MRPL48: variants seen among roughly 807,000 people sequenced by gnomAD.
MRPL48 encodes mitochondrial ribosomal protein L48.
Under a neutral mutation model 32.9 loss-of-function variants are expected in MRPL48, and 16 were observed. The ratio of observed to expected loss-of-function variants is 0.49; its 90% CI spans 0.33 to 0.74. The LOEUF is 0.74. Among genes scored for constraint, MRPL48 ranks in the 30% least tolerant of loss-of-function variants. The pLI is 0.02. For missense variants in MRPL48, 206 were observed against 245.3 expected, an observed-to-expected ratio of 0.84 and a Z score of 1.07; for synonymous variants, 94 against 89.2, an observed-to-expected ratio of 1.05 and a Z score of -0.31.
intron 5 of MRPL48, chr11:73,850,817 C>T (rs1948375311): frequency 4.4e-6 from 1 of 229,272 alleles, no homozygotes; most frequent in Non-Finnish European, 8.7e-6. Flanking sequence ...GCTGGGACTA[C>T]AGGCACCTGC....
At chr11:73,820,349 T>G (rs1947754786) in intron 3 of MRPL48, among the ~76,000 whole-genome samples, 1 of 152,142 alleles carries the variant, frequency 6.6e-6, no homozygotes, top group Admixed American at 6.6e-5. Flanking sequence ...CTCAGCTTCC[T>G]GAGTAGCAGG....
chr11:73,863,241 G>A lies in MRPL48; in HGVS notation c.544G>A (p.Val182Ile), dbSNP rs202224445. Reference sequence around the variant, plus strand: ...AATCCAAAGCAGTCTTCCTGAAGGAGTCAGACTGTCAGTGAAGGAGGTAGG... The same window carrying A: ...AATCCAAAGCAGTCTTCCTGAAGGAATCAGACTGTCAGTGAAGGAGGTAGG... ...EIIQSSLPEGVRLSVKEHTEE... is the reference protein window; with the variant it reads ...EIIQSSLPEGIRLSVKEHTEE... The change falls in exon 7 of 8, where the codon GTC becomes ATC. Residue 182 changes from valine (V) to isoleucine (I), a missense_variant. By Grantham distance (29) the Val-to-Ile change is conservative. Transcript: ENST00000310614. The A allele has an allele frequency of 8.7e-4, 1,358 of 1,567,098 alleles. 1 individual carries two copies. The highest frequency in any genetic ancestry group is 1.1e-3 in the Non-Finnish European group (1,266 of 1,155,484).
At chr11:73,829,456 C>T (rs541261761) in intron 4 of MRPL48, among the ~76,000 whole-genome samples, 61 of 150,736 alleles carry the variant, frequency 4.0e-4, no homozygotes, top group African/African-American at 1.5e-3. Flanking sequence ...CCCTTGAATA[C>T]CTAGGTTCAA....
chr11:73,843,955 T>C (rs1245858849), intron 4 of MRPL48, among the ~76,000 whole-genome samples: 6 of 152,036 alleles, frequency 3.9e-5, no homozygotes, highest in African/African-American at 1.4e-4. Flanking sequence ...AGCAGGCACC[T>C]GTAATCCCAG....
chr11:73,789,778 C>T (rs1383562263), intron 1 of MRPL48, among the ~76,000 whole-genome samples: 4 of 152,170 alleles, frequency 2.6e-5, no homozygotes, highest in Non-Finnish European at 5.9e-5. Flanking sequence ...ATTTGATCTT[C>T]ACAATATCAC....
At chr11:73,828,199 C>G (rs1590969772) in intron 4 of MRPL48, among the ~76,000 whole-genome samples, 1 of 150,768 alleles carries the variant, frequency 6.6e-6, no homozygotes, top group South Asian at 2.1e-4. Flanking sequence ...GATGCCTTGC[C>G]TATTCAAGAG....
intron 1 of MRPL48, among the ~76,000 whole-genome samples, chr11:73,801,450 T>G (rs1947362298): frequency 6.6e-6 from 1 of 152,266 alleles, no homozygotes; most frequent in East Asian, 1.9e-4. Context: ...TTAGGTTAAG[T>G]GTATTGCACA....
At chr11:73,836,472 T>C (rs1024678909) in intron 4 of MRPL48, among the ~76,000 whole-genome samples, 1 of 152,316 alleles carries the variant, frequency 6.6e-6, no homozygotes, top group Middle Eastern at 3.4e-3. Context: ...GTGCCAGGAT[T>C]ACAGGCATGA....
At chr11:73,835,140 CTTTTTTT>C (rs35448499) in intron 4 of MRPL48, among the ~76,000 whole-genome samples, 5 of 108,494 alleles carry the variant, frequency 4.6e-5, no homozygotes, top group African/African-American at 1.1e-4. Context: ...GCCATGTTGT[CTTTTTTT>C]TTTTTTTTTT....
chr11:73,799,811 G>C (rs1287326732), intron 1 of MRPL48, among the ~76,000 whole-genome samples: 1 of 152,182 alleles, frequency 6.6e-6, no homozygotes, highest in Admixed American at 6.6e-5. Context: ...ATGCCTCACA[G>C]AATGGTTGTG....
rs917930449 is a variant in MRPL48, at chr11:73,813,003, G to A, written c.112+4653G>A. On this transcript the variant is annotated intron_variant, in intron 3 of 7. Coordinates refer to ENST00000310614, the MANE Select transcript of MRPL48 (RefSeq NM_016055.6). ...TGACCTCAGGTGATCCACCCACCTCGGTCTCCCATAGTGCTAAGATTACAG... is the reference window on the plus strand; with the variant it reads ...TGACCTCAGGTGATCCACCCACCTCAGTCTCCCATAGTGCTAAGATTACAG... 4.0e-5 allele frequency among the ~76,000 whole-genome samples: 6 copies of A among 151,346 alleles called. No individual in the cohort carries two copies. In the South Asian group the frequency reaches 1.3e-3, roughly 32 times the overall value.
intron 4 of MRPL48, among the ~76,000 whole-genome samples, chr11:73,834,068 C>T (rs1209653674): frequency 1.3e-5 from 2 of 152,008 alleles, no homozygotes; most frequent in Non-Finnish European, 2.9e-5. Context: ...AGGCTGGTCT[C>T]GAACTCCTGG....
intron 3 of MRPL48, among the ~76,000 whole-genome samples, chr11:73,809,479 G>C (rs938513537): frequency 6.6e-6 from 1 of 150,722 alleles, no homozygotes; most frequent in African/African-American, 2.4e-5. Context: ...ACTCCAGCCT[G>C]GGCGACAGAG....
chr11:73,864,678 C>T lies in MRPL48; in HGVS notation c.*308C>T. 5.8e-6 allele frequency: 2 copies of T among 344,802 alleles called. No individual in the cohort carries two copies. Among genetic ancestry groups the T allele is most frequent in the Non-Finnish European group, 5.4e-6 (1 of 184,858 alleles). The allele number at this position is 344,802 out of a possible 1,614,324, so 21.4% of individuals were successfully genotyped here. On this transcript the variant is annotated 3_prime_UTR_variant, in exon 8 of 8. Transcript: ENST00000310614. ...TCTTTAAGAGATTCTATATTCTGGC[C>T]AGGCACCGTGGTGCATCCCTGTAAT...
At chr11:73,860,792 T>C (rs1948573375) in intron 6 of MRPL48, among the ~76,000 whole-genome samples, 3 of 152,214 alleles carry the variant, frequency 2.0e-5, no homozygotes, top group South Asian at 2.1e-4. Flanking sequence ...CAAAGAGTTA[T>C]GCAACCATCC....
Position 73,844,773 on chromosome 11 carries a change from C to T in MRPL48, c.202-34C>T. 1.9e-6 allele frequency: 3 copies of T among 1,586,702 alleles called. No homozygotes were observed. The South Asian group carries it at 3.5e-5, about 18-fold the overall frequency. On this transcript the variant is annotated intron_variant, in intron 4 of 7. Coordinates refer to ENST00000310614, the MANE Select transcript of MRPL48 (RefSeq NM_016055.6). ...TATTATTAGAATTTCTTGTATAATACTTTATTTTCTTTCTCTCTTTGTTTT... is the reference window on the plus strand; with the variant it reads ...TATTATTAGAATTTCTTGTATAATATTTTATTTTCTTTCTCTCTTTGTTTT...
chr11:73,861,532 G>A (rs1948584248), intron 6 of MRPL48, among the ~76,000 whole-genome samples: 2 of 152,084 alleles, frequency 1.3e-5, no homozygotes, highest in African/African-American at 2.4e-5. Context: ...ACCATGCCCA[G>A]CTAATTTTGT....
intron 3 of MRPL48, among the ~76,000 whole-genome samples, chr11:73,816,581 C>T (rs181213430): frequency 2.0e-5 from 3 of 152,186 alleles, no homozygotes; most frequent in East Asian, 1.9e-4. Context: ...TCTCCCGCCT[C>T]AGCCTCCTGA....
chr11:73,849,962 T>C (rs1302640479), intron 5 of MRPL48, among the ~76,000 whole-genome samples: 1 of 152,054 alleles, frequency 6.6e-6, no homozygotes, highest in Non-Finnish European at 1.5e-5. Flanking sequence ...TAGCCTGGCT[T>C]GGTGGCGTGC....
Sources: allele counts gnomAD v4.1 joint callset (sites outside exome capture counted in the v4.1 genomes callset), GRCh38; gene constraint gnomAD v4.1.1; transcripts MANE v1.5; gene names NCBI Gene and HGNC (gene_info 2026-07-23, HGNC 2026-07-21).